The following LHFPL3 variants were observed in gnomAD, a reference collection of about 807,000 sequenced individuals.
LHFPL3 encodes the protein LHFPL tetraspan subfamily member 3 protein.
In LHFPL3, 5 loss-of-function variants were observed where a neutral mutation model predicts 19.3. The observed-to-expected ratio is 0.26, with a 90% CI of 0.14 to 0.54. LHFPL3 has a LOEUF of 0.54. Among genes scored for constraint, LHFPL3 ranks in the 20% least tolerant of loss-of-function variants. The probability of loss-of-function intolerance (pLI) is 0.94; values close to 1 mark genes in which losing one functional copy is unlikely to be tolerated. For missense variants in LHFPL3, 249 were observed against 307.4 expected, an observed-to-expected ratio of 0.81 and a Z score of 1.42; for synonymous variants, 133 against 126.2, an observed-to-expected ratio of 1.05 and a Z score of -0.36.
At chr7:104,602,020 C>CTTTTTTTTTTTTTTTTTTTTTTTTTTT (rs57501560) in intron 1 of LHFPL3, among the ~76,000 whole-genome samples, 2 of 91,456 alleles carry the variant, frequency 2.2e-5, no homozygotes, top group African/African-American at 4.3e-5. Flanking sequence ...TTTTTCTTTT[C>CTTTTTTTTTTTTTTTTTTTTTTTTTTT]TTTTTTTTTT....
chr7:104,614,479 C>G (rs1791270168), intron 1 of LHFPL3, among the ~76,000 whole-genome samples: 1 of 152,122 alleles, frequency 6.6e-6, no homozygotes, highest in East Asian at 1.9e-4. Flanking sequence ...CTGGTAAACA[C>G]ACACTGAGTA....
At chr7:104,688,287 C>A (rs557273071) in intron 1 of LHFPL3, among the ~76,000 whole-genome samples, 9 of 152,176 alleles carry the variant, frequency 5.9e-5, no homozygotes, top group Non-Finnish European at 7.3e-5. Flanking sequence ...AGCCTCCAGT[C>A]TTCTAAGATT....
At chr7:104,619,436 T>C (rs576483087) in intron 1 of LHFPL3, among the ~76,000 whole-genome samples, 2 of 152,340 alleles carry the variant, frequency 1.3e-5, no homozygotes, top group African/African-American at 4.8e-5. Context: ...TTTTCTTTTT[T>C]TTCAGAATTT....
At chr7:104,406,888 T>C (rs10487208) in intron 1 of LHFPL3, among the ~76,000 whole-genome samples, 3,385 of 152,090 alleles carry the variant, frequency 0.022, 109 homozygotes, top group African/African-American at 0.077. Context: ...ATAGTCTATC[T>C]TTCTGGAAAC....
At chr7:104,667,179 C>T (rs1377253884) in intron 1 of LHFPL3, among the ~76,000 whole-genome samples, 2 of 151,280 alleles carry the variant, frequency 1.3e-5, no homozygotes, top group African/African-American at 4.9e-5. Flanking sequence ...TTAATAATAG[C>T]CAGCTTTTAA....
rs116228906 is a variant in LHFPL3, at chr7:104,426,144, G to A, written c.445+96920G>A. ...TTTACACATTTTTATTCTTATGTAT[G>A]GTAGGATTTTAATTTTAACTTTCCT... On this transcript the variant is annotated intron_variant, in intron 1 of 2. Transcript: ENST00000424859. 7.0e-3 allele frequency among the ~76,000 whole-genome samples: 1,063 copies of A among 152,206 alleles called. 9 individuals are homozygous for A. The highest frequency in any genetic ancestry group is 0.024 in the African/African-American group (1,015 of 41,520).
At chr7:104,883,889 C>A (rs1399562753) in intron 2 of LHFPL3, among the ~76,000 whole-genome samples, 1 of 152,134 alleles carries the variant, frequency 6.6e-6, no homozygotes, top group Non-Finnish European at 1.5e-5. Context: ...AAAGCGTGGG[C>A]CTCTGAGCCA....
At chr7:104,381,563 A>ACTCCCTCC (rs1790829939) in intron 1 of LHFPL3, among the ~76,000 whole-genome samples, 1 of 134,624 alleles carries the variant, frequency 7.4e-6, no homozygotes, top group South Asian at 2.4e-4. Flanking sequence ...TCCCTCCCTC[A>ACTCCCTCC]CTCCCTCCCT....
intron 1 of LHFPL3, among the ~76,000 whole-genome samples, chr7:104,561,450 C>G (rs10254859): frequency 0.029 from 4,330 of 149,712 alleles, 218 homozygotes; most frequent in African/African-American, 0.1. Flanking sequence ...CCTTCTTTGT[C>G]TCTTTTGATC....
chr7:104,462,576 C>T (rs114891349), intron 1 of LHFPL3, among the ~76,000 whole-genome samples: 4,203 of 152,200 alleles, frequency 0.028, 156 homozygotes, highest in African/African-American at 0.09. Flanking sequence ...CCTTGTATCC[C>T]GGGAATGAAG....
intron 1 of LHFPL3, among the ~76,000 whole-genome samples, chr7:104,646,332 TTATTTTC>T (rs1426365719): frequency 1.3e-5 from 2 of 152,360 alleles, no homozygotes; most frequent in East Asian, 3.9e-4. Context: ...ACTCCAAGTT[TTATTTTC>T]TATAGCACGC....
intron 1 of LHFPL3, among the ~76,000 whole-genome samples, chr7:104,356,447 A>C (rs942156395): frequency 9.2e-5 from 14 of 152,224 alleles, no homozygotes; most frequent in African/African-American, 3.4e-4. Context: ...GACTTTTCCA[A>C]ATCTCTCCAT....
At chr7:104,835,019 T>C (rs1791064920) in intron 2 of LHFPL3, among the ~76,000 whole-genome samples, 1 of 151,982 alleles carries the variant, frequency 6.6e-6, no homozygotes, top group Non-Finnish European at 1.5e-5. Flanking sequence ...TTCATCAGTA[T>C]AGGTTCTGTT....
intron 2 of LHFPL3, among the ~76,000 whole-genome samples, chr7:104,859,275 A>T (rs1199026669): frequency 1.3e-5 from 2 of 151,148 alleles, no homozygotes; most frequent in Non-Finnish European, 3.0e-5. Flanking sequence ...TCAAAAAAAA[A>T]AAAACAAAAA....
intron 2 of LHFPL3, among the ~76,000 whole-genome samples, chr7:104,831,767 T>C (rs1467397263): frequency 6.9e-6 from 1 of 143,950 alleles, no homozygotes. Context: ...ACATGTGTAA[T>C]TGTAGATAGT....
At chr7:104,518,112 T>C (rs759302623) in intron 1 of LHFPL3, among the ~76,000 whole-genome samples, 31 of 152,164 alleles carry the variant, frequency 2.0e-4, no homozygotes, top group Non-Finnish European at 4.0e-4. Context: ...AGATCAACAA[T>C]AGGAATAACA....
At chr7:104,747,273 T>A (rs1438738324) in intron 2 of LHFPL3, among the ~76,000 whole-genome samples, 1 of 152,194 alleles carries the variant, frequency 6.6e-6, no homozygotes, top group Non-Finnish European at 1.5e-5. Flanking sequence ...ATGTTACACA[T>A]TTTCAACCTG....
intron 1 of LHFPL3, among the ~76,000 whole-genome samples, chr7:104,461,531 T>C (rs566783610): frequency 1.3e-5 from 2 of 152,324 alleles, no homozygotes; most frequent in South Asian, 2.1e-4. Flanking sequence ...CAGCCTTATT[T>C]TGGGGCTCTC....
intron 1 of LHFPL3, among the ~76,000 whole-genome samples, chr7:104,366,269 C>T (rs144698091): frequency 3.4e-4 from 51 of 152,220 alleles, no homozygotes; most frequent in African/African-American, 1.1e-3. Flanking sequence ...TGAAATGGAG[C>T]AGGAATTGCA....
Sources: allele counts gnomAD v4.1 joint callset (sites outside exome capture counted in the v4.1 genomes callset), GRCh38; gene constraint gnomAD v4.1.1; transcripts MANE v1.5; gene names NCBI Gene and HGNC (gene_info 2026-07-23, HGNC 2026-07-21).